The following TADA2A variants were observed in gnomAD, a reference collection of about 807,000 sequenced individuals.
The protein encoded by TADA2A is transcriptional adapter 2-alpha.
A neutral mutation model predicts 67.4 loss-of-function variants in TADA2A; 38 were observed. The ratio of observed to expected loss-of-function variants is 0.56; its 90% CI spans 0.44 to 0.74. TADA2A has a LOEUF of 0.74. Among genes scored for constraint, TADA2A ranks in the 30% least tolerant of loss-of-function variants. TADA2A has a pLI of 0.00. For missense variants in TADA2A, 454 were observed against 547.0 expected, an observed-to-expected ratio of 0.83 and a Z score of 1.70; for synonymous variants, 192 against 181.6, an observed-to-expected ratio of 1.06 and a Z score of -0.46.
In TADA2A at chr17:37,467,526, G is replaced by A. The variant is rs752137433; in HGVS notation, c.895+1G>A. 19 of 1,612,312 alleles carry A rather than the reference G, an allele frequency of 1.2e-5. No individual in the cohort carries two copies. Among genetic ancestry groups the A allele is most frequent in the African/African-American group, 2.7e-5 (2 of 74,858 alleles). On this transcript the variant is annotated splice_donor_variant, in intron 12 of 15. Coordinates refer to ENST00000615182, the MANE Select transcript of TADA2A (RefSeq NM_001166105.3). LOFTEE classifies it high-confidence loss of function. ...ACAGCAGGCATTACCAATTTTTGTA[G>A]TAAGTATGCTTCAGCTACATACCGT...
chr17:37,415,126 C>T (rs963597063), intron 2 of TADA2A, among the ~76,000 whole-genome samples: 3 of 149,546 alleles, frequency 2.0e-5, no homozygotes, highest in Admixed American at 1.3e-4. Flanking sequence ...AGGTGATCCA[C>T]CCGCCTTGGC....
intron 12 of TADA2A, 112 bp downstream of exon 12, chr17:37,467,637 C>T: frequency 1.1e-6 from 1 of 897,892 alleles, no homozygotes; most frequent in Non-Finnish European, 1.7e-6. Flanking sequence ...TTTCCTTTAC[C>T]AGAATGCTTT....
intron 14 of TADA2A, 58 bp downstream of exon 14, chr17:37,471,195 A>T (rs1467830148): frequency 6.4e-7 from 1 of 1,556,212 alleles, no homozygotes; most frequent in South Asian, 1.1e-5. Flanking sequence ...CGTAGGGGTT[A>T]TAGTGACCCA....
At chr17:37,413,451 AC>A (rs1375898226) in intron 2 of TADA2A, among the ~76,000 whole-genome samples, 2 of 152,130 alleles carry the variant, frequency 1.3e-5, no homozygotes, top group African/African-American at 4.8e-5. Context: ...AACAATACCC[AC>A]ATACCTTTTG....
intron 4 of TADA2A, among the ~76,000 whole-genome samples, chr17:37,432,238 C>T (rs756393334): frequency 2.3e-4 from 35 of 151,964 alleles, no homozygotes; most frequent in Admixed American, 1.4e-3. Flanking sequence ...AATCTCGGCT[C>T]ACTGCAACCT....
At chr17:37,476,417 C>T (rs2053893132) in intron 15 of TADA2A, among the ~76,000 whole-genome samples, 1 of 152,192 alleles carries the variant, frequency 6.6e-6, no homozygotes, top group African/African-American at 2.4e-5. Context: ...ATTCTGCCCC[C>T]ACTGTGCCCC....
chr17:37,476,120 A>G (rs989096774), intron 15 of TADA2A, among the ~76,000 whole-genome samples: 20 of 152,206 alleles, frequency 1.3e-4, no homozygotes, highest in Non-Finnish European at 2.2e-4. Flanking sequence ...TGTAGTATCT[A>G]TGTATTGCTG....
At chr17:37,443,913 T>G (rs1568160054) in intron 7 of TADA2A, among the ~76,000 whole-genome samples, 1 of 152,122 alleles carries the variant, frequency 6.6e-6, no homozygotes, top group Non-Finnish European at 1.5e-5. Context: ...TAGCCACAAG[T>G]CTCTTGATTT....
chr17:37,436,062 T>C (rs2147956074), intron 4 of TADA2A, among the ~76,000 whole-genome samples: 1 of 151,176 alleles, frequency 6.6e-6, no homozygotes, highest in East Asian at 1.9e-4. Flanking sequence ...AGCTATATCT[T>C]TTTTTTTTCC....
chr17:37,444,351 C>G (rs2053013675), intron 7 of TADA2A, among the ~76,000 whole-genome samples: 1 of 151,776 alleles, frequency 6.6e-6, no homozygotes, highest in South Asian at 2.1e-4. Context: ...AACTCCTGGT[C>G]TCAAGTGATT....
Position 37,462,861 on chromosome 17 carries a change from G to C in TADA2A, c.712+740G>C, listed in dbSNP as rs563520209. Among the ~76,000 whole-genome samples, 4 of 152,182 alleles carry C rather than the reference G, an allele frequency of 2.6e-5. No individual in the cohort carries two copies. The East Asian group carries it at 7.7e-4, about 29-fold the overall frequency. Reference sequence around the variant, plus strand: ...ATAACAGAAAGTGATCTTTATTTTGGATGGTTATAGACAGACAAAATAAAT... The same window carrying C: ...ATAACAGAAAGTGATCTTTATTTTGCATGGTTATAGACAGACAAAATAAAT... On this transcript the variant is annotated intron_variant, in intron 10 of 15. Coordinates refer to ENST00000615182, the MANE Select transcript of TADA2A (RefSeq NM_001166105.3).
In TADA2A at chr17:37,477,218, G is replaced by A; in HGVS notation, c.*236G>A. 2.3e-6 allele frequency: 1 copy of A among 429,534 alleles called. No individual in the cohort carries two copies. The highest frequency in any genetic ancestry group is 4.1e-6 in the Non-Finnish European group (1 of 243,224). The allele number at this position is 429,534 out of a possible 1,614,324, so 26.6% of individuals were successfully genotyped here. On this transcript the variant is annotated 3_prime_UTR_variant, in exon 16 of 16. Coordinates refer to ENST00000615182, the MANE Select transcript of TADA2A (RefSeq NM_001166105.3). ...TGTGCTACATAAGCTATTATTAAAT[G>A]TGAGTGGGCATTCATTCCTAACACC...
chr17:37,467,320 A>G, intron 11 of TADA2A, 134 bp from the exon 12 acceptor site: 1 of 661,366 alleles, frequency 1.5e-6, no homozygotes, highest in Non-Finnish European at 2.5e-6. Flanking sequence ...GAAGTTACCA[A>G]CGAGTAGGAT....
rs1438098357 is a variant in TADA2A, at chr17:37,437,771, A to C, written c.226A>C (p.Thr76Pro). The C allele has an allele frequency of 3.1e-6, 5 of 1,614,156 alleles. No individual in the cohort carries two copies. Among genetic ancestry groups the C allele is most frequent in the Non-Finnish European group, 4.2e-6 (5 of 1,180,032 alleles). The change falls in exon 5 of 16, where the codon ACT (threonine) becomes CCT (proline). Residue 76 changes from threonine (T) to proline (P), a missense_variant. Thr to Pro is a conservative substitution (Grantham distance 38). This residue lies in a region of TADA2A where 403 missense variants were observed against 455.5 expected (regional missense o/e 0.88). Transcript: ENST00000615182. ...SDFPVLDPSW[T>P]AQEEMALLEA... ...TTTTCCTGTCCTTGATCCCAGCTGG[A>C]CTGCTCAAGAAGAAATGGCCCTTTT...
In TADA2A at chr17:37,478,618, C is replaced by G. The variant is rs1354731710; in HGVS notation, c.*1636C>G. On this transcript the variant is annotated 3_prime_UTR_variant, in exon 16 of 16. Transcript: ENST00000615182. ...CAAACGTTTCTGCAGAATAAGAAGC[C>G]AAACTTATGGTTATCTTGTTTCTGT... 1 of 152,152 alleles carries G rather than the reference C, an allele frequency of 6.6e-6. No homozygotes were observed. Among genetic ancestry groups the G allele is most frequent in the Non-Finnish European group, 1.5e-5 (1 of 68,044 alleles). The allele number at this position is 152,152 out of a possible 1,614,324, so 9.4% of individuals were successfully genotyped here.
At chr17:37,454,339 A>G (rs1597915439) in intron 8 of TADA2A, 1 of 132,138 alleles carries the variant, frequency 7.6e-6, no homozygotes, top group South Asian at 2.3e-4. Flanking sequence ...TCTGTTGCCC[A>G]GGCTGGAGTG....
intron 9 of TADA2A, among the ~76,000 whole-genome samples, chr17:37,459,045 T>G (rs1286913274): frequency 2.0e-5 from 3 of 152,118 alleles, no homozygotes; most frequent in Non-Finnish European, 2.9e-5. Context: ...TCTTTTGACC[T>G]TGGAGAAGAC....
intron 9 of TADA2A, among the ~76,000 whole-genome samples, chr17:37,460,370 C>G (rs1271262901): frequency 1.3e-5 from 2 of 152,078 alleles, no homozygotes; most frequent in African/African-American, 4.8e-5. Flanking sequence ...CTCAGCCTCC[C>G]AAGAAGCTGG....
intron 4 of TADA2A, among the ~76,000 whole-genome samples, chr17:37,437,346 C>T (rs947886589): frequency 5.3e-5 from 8 of 151,776 alleles, no homozygotes; most frequent in Admixed American, 1.3e-4. Flanking sequence ...CCTCCTCGAC[C>T]TCCCAAAGTG....
Sources: allele counts gnomAD v4.1 joint callset (sites outside exome capture counted in the v4.1 genomes callset), GRCh38; gene constraint gnomAD v4.1.1; regional missense constraint gnomAD v4.1.1; transcripts MANE v1.5; gene names NCBI Gene and HGNC (gene_info 2026-07-23, HGNC 2026-07-21).